The following CENPI variants were observed in gnomAD, a reference collection of about 807,000 sequenced individuals.
CENPI encodes centromere protein I, also known as FSH primary response 1.
CENPI carries 4 observed loss-of-function variants against 60.4 expected under a neutral mutation model. That is an observed-to-expected ratio of 0.07 (90% CI 0.03 to 0.15). The LOEUF is 0.15. CENPI is among the 10% of genes least tolerant of loss of function. The pLI, the probability that CENPI is intolerant of heterozygous loss-of-function variation, is 1.00. For synonymous variants in CENPI, 157 were observed against 189.4 expected, an observed-to-expected ratio of 0.83 and a Z score of 1.40; for missense variants, 444 against 534.5, an observed-to-expected ratio of 0.83 and a Z score of 1.67.
chrX:101,153,915 A>C (rs1260154557), intron 20 of CENPI, among the ~76,000 whole-genome samples: 2 of 111,675 alleles, frequency 1.8e-5, no homozygotes, highest in African/African-American at 3.3e-5. Flanking sequence ...GGGTTTTTTA[A>C]ATCAATTTTA....
At chrX:101,115,381 C>T (rs891243071) in intron 6 of CENPI, among the ~76,000 whole-genome samples, 1 of 109,717 alleles carries the variant, frequency 9.1e-6, no homozygotes, top group African/African-American at 3.3e-5. Flanking sequence ...ATTGATCAGC[C>T]TGGGTAACGA....
chrX:101,099,443 A>G (rs936302734), intron 2 of CENPI, among the ~76,000 whole-genome samples: 3 of 109,803 alleles, frequency 2.7e-5, no homozygotes, highest in African/African-American at 9.9e-5. Flanking sequence ...AAAAAAAAAA[A>G]AAAGAAACAA....
intron 8 of CENPI, among the ~76,000 whole-genome samples, chrX:101,121,657 C>G (rs927264521): frequency 2.0e-4 from 22 of 110,426 alleles, no homozygotes; most frequent in Admixed American, 1.8e-3. Context: ...GGGCATTCCT[C>G]CCAGAGGGAA....
At chrX:101,150,246 C>T (rs991473546) in intron 20 of CENPI, among the ~76,000 whole-genome samples, 3 of 105,949 alleles carry the variant, frequency 2.8e-5, no homozygotes, top group Non-Finnish European at 5.8e-5. Flanking sequence ...TAAATGTTTG[C>T]AGGTCTTTTT....
intron 16 of CENPI, among the ~76,000 whole-genome samples, chrX:101,142,768 A>T (rs777798454): frequency 7.2e-5 from 8 of 111,682 alleles, no homozygotes; most frequent in Non-Finnish European, 1.5e-4. Flanking sequence ...TTTCAGACAC[A>T]GTTGCCAAGT....
chrX:101,140,674 G>A lies in CENPI; in HGVS notation c.1479G>A (p.Val493=), dbSNP rs2273380. The change falls in exon 16 of 22, where the codon GTG becomes GTA. Residue 493 remains valine (V), a synonymous_variant. Coordinates refer to ENST00000682095, the MANE Select transcript of CENPI (RefSeq NM_001386188.2). ...FTSTIYFKCS[V]LQSLKELLQN... is the part of the protein sequence containing the mutation. ...CATTTTGTCCCCCTCAGTGTAGTGT[G>A]CTTCAGAGTCTGAAAGAGCTATTGC... 5 of 1,189,070 alleles carry A rather than the reference G, an allele frequency of 4.2e-6. No individual in the cohort carries two copies. Among genetic ancestry groups the A allele is most frequent in the Non-Finnish European group, 5.7e-6 (5 of 875,593 alleles).
intron 6 of CENPI, among the ~76,000 whole-genome samples, chrX:101,115,179 G>T (rs2089607106): frequency 9.1e-6 from 1 of 110,261 alleles, no homozygotes; most frequent in Admixed American, 9.7e-5. Context: ...GGCCAGGCTG[G>T]TCTCAAATCT....
intron 8 of CENPI, among the ~76,000 whole-genome samples, chrX:101,121,258 G>A (rs761685432): frequency 9.0e-6 from 1 of 111,157 alleles, no homozygotes; most frequent in South Asian, 3.8e-4. Flanking sequence ...TTGGGGTCAA[G>A]GAGAAGTGGT....
In CENPI at chrX:101,164,579, G is replaced by A. The variant is rs377390695; in HGVS notation, c.*1612G>A. Among the ~76,000 whole-genome samples the A allele has an allele frequency of 2.7e-5, 3 of 111,653 alleles. No individual in the cohort carries two copies. The Admixed American group carries it at 2.9e-4, about 11-fold the overall frequency. On this transcript the variant is annotated 3_prime_UTR_variant, in exon 22 of 22. Coordinates refer to ENST00000682095, the MANE Select transcript of CENPI (RefSeq NM_001386188.2). Reference sequence around the variant, plus strand: ...ACTCTTGATCTCAAGTGATCAACCCGCCTTGGCCTCCCAAAGTGTTGGGAT... The same window carrying A: ...ACTCTTGATCTCAAGTGATCAACCCACCTTGGCCTCCCAAAGTGTTGGGAT...
At chrX:101,162,631 A>C (rs374790804) in intron 21 of CENPI, among the ~76,000 whole-genome samples, 1 of 108,748 alleles carries the variant, frequency 9.2e-6, no homozygotes, top group African/African-American at 3.4e-5. Context: ...TTTTGCCAAC[A>C]TAATAAAATG....
chrX:101,120,712 G>A (rs1426969613), intron 7 of CENPI, 26 bp from the exon 8 acceptor site: 3 of 1,192,521 alleles, frequency 2.5e-6, no homozygotes, highest in South Asian at 1.8e-5. Context: ...CAAATGCATA[G>A]TACGTCTTTC....
chrX:101,111,124 T>A (rs2089548872), intron 6 of CENPI, among the ~76,000 whole-genome samples: 1 of 110,875 alleles, frequency 9.0e-6, no homozygotes, highest in African/African-American at 3.3e-5. Flanking sequence ...CTTTATTCAG[T>A]GGGGAAATCA....
chrX:101,159,835 G>T (rs1384553024), intron 20 of CENPI, among the ~76,000 whole-genome samples: 1 of 111,836 alleles, frequency 8.9e-6, no homozygotes, highest in Admixed American at 9.6e-5. Flanking sequence ...ATACTGATGA[G>T]AGAATAGGAG....
At chrX:101,128,870 A>G in intron 12 of CENPI, 34 bp downstream of exon 12, 1 of 1,181,942 alleles carries the variant, frequency 8.5e-7, no homozygotes, top group Non-Finnish European at 1.1e-6. Context: ...CAAGATAGTT[A>G]ACAAATGGGT....
chrX:101,157,175 T>C (rs2090060667), intron 20 of CENPI, among the ~76,000 whole-genome samples: 1 of 111,956 alleles, frequency 8.9e-6, no homozygotes, highest in Admixed American at 9.6e-5. Flanking sequence ...ATTTTTTAAC[T>C]TTTTTTATTA....
chrX:101,162,801 G>A (rs762960465), intron 21 of CENPI, 32 bp from the exon 22 acceptor site: 2 of 1,198,793 alleles, frequency 1.7e-6, no homozygotes, highest in Admixed American at 2.2e-5. Flanking sequence ...TAAAATATTC[G>A]ATAAGTAATT....
rs1449862903 is a variant in CENPI, at chrX:101,165,026, G to C, written c.*2059G>C. The stretch of plus-strand genomic sequence containing the variant: ...TTCTGGACAAAGGTAAAAAACAAGT[G>C]AAAAGGCCCTAAAATGTTAACTTAC... On this transcript the variant is annotated 3_prime_UTR_variant, in exon 22 of 22. Coordinates refer to ENST00000682095, the MANE Select transcript of CENPI (RefSeq NM_001386188.2). Among the ~76,000 whole-genome samples, 2 of 111,716 alleles carry C rather than the reference G, an allele frequency of 1.8e-5. No homozygotes were observed. The highest frequency in any genetic ancestry group is 6.5e-5 in the African/African-American group (2 of 30,734).
At chrX:101,180,455 G>A in the CENPI span, among the ~76,000 whole-genome samples, 1 of 111,814 alleles carries the variant, frequency 8.9e-6, no homozygotes, top group African/African-American at 3.3e-5. Flanking sequence ...TTTTTAAATT[G>A]GGTTATTTGT....
intron 4 of CENPI, among the ~76,000 whole-genome samples, chrX:101,106,390 T>C (rs1470751953): frequency 4.6e-5 from 5 of 109,539 alleles, no homozygotes; most frequent in Admixed American, 4.0e-4. Flanking sequence ...TGAGATAGGA[T>C]ATATTCAAAG....
Sources: gnomAD v4.1 joint callset for allele counts (sites outside exome capture counted in the v4.1 genomes callset) on GRCh38, gnomAD v4.1.1 for gene constraint, MANE v1.5 for transcripts, NCBI Gene and HGNC (gene_info 2026-07-23, HGNC 2026-07-21) for gene names.